The following NPAS2 variants were observed in gnomAD, a reference collection of about 807,000 sequenced individuals.
NPAS2 encodes neuronal PAS domain-containing protein 2.
A neutral mutation model predicts 107.5 loss-of-function variants in NPAS2; 23 were observed. The ratio of observed to expected loss-of-function variants is 0.21; its 90% CI spans 0.15 to 0.30. The LOEUF (loss-of-function observed/expected upper bound fraction) is 0.30, where lower values mean the gene tolerates loss of function less well. Among genes scored for constraint, NPAS2 ranks in the 10% least tolerant of loss-of-function variants. The probability of loss-of-function intolerance (pLI) is 1.00; values close to 1 mark genes in which losing one functional copy is unlikely to be tolerated. For synonymous variants in NPAS2, 403 were observed against 417.5 expected, an observed-to-expected ratio of 0.97 and a Z score of 0.42; for missense variants, 756 against 1,043.3, an observed-to-expected ratio of 0.72 and a Z score of 3.79.
In NPAS2 at chr2:100,995,589, G is replaced by A. The variant is rs2305158; in HGVS notation, c.*7G>A. 340,750 of 1,600,126 alleles carry A rather than the reference G, an allele frequency of 0.21. 36,983 individuals are homozygous for A. Among genetic ancestry groups the A allele is most frequent in the Middle Eastern group, 0.23 (1,392 of 5,970 alleles). Reference sequence around the variant, plus strand: ...CCAGCAGCCGCCCCGATAATGCCCCGGCACTGAAGTCGGGACACAATCAGC... The same window carrying A: ...CCAGCAGCCGCCCCGATAATGCCCCAGCACTGAAGTCGGGACACAATCAGC... On this transcript the variant is annotated 3_prime_UTR_variant, in exon 21 of 21. Transcript: ENST00000335681.
chr2:100,927,623 T>C (rs1263079168), intron 3 of NPAS2, among the ~76,000 whole-genome samples: 1 of 152,234 alleles, frequency 6.6e-6, no homozygotes, highest in Non-Finnish European at 1.5e-5. Flanking sequence ...ATTATACACA[T>C]GATGTTTATG....
intron 2 of NPAS2, among the ~76,000 whole-genome samples, chr2:100,924,722 G>A (rs1412731918): frequency 6.8e-6 from 1 of 147,892 alleles, no homozygotes; most frequent in Admixed American, 6.7e-5. Flanking sequence ...CGGGATACCT[G>A]GCCACCCCGT....
rs1676023221 is a variant in NPAS2, at chr2:100,820,729, G to T, written c.-23+315G>T. Among the ~76,000 whole-genome samples, 1 of 152,308 alleles carries T rather than the reference G, an allele frequency of 6.6e-6. No individual in the cohort carries two copies. Among genetic ancestry groups the T allele is most frequent in the African/African-American group, 2.4e-5 (1 of 41,580 alleles). On this transcript the variant is annotated intron_variant, in intron 1 of 20. Coordinates refer to ENST00000335681, the MANE Select transcript of NPAS2 (RefSeq NM_002518.4). The surrounding 1 kb of genome is among the most constrained non-coding windows in gnomAD (Gnocchi z 5.6). ...GCCTCGGAATTTGGGGGTCCTCGGG[G>T]TGTCCGACAGGGTGGAGAAGGATCG... is the stretch of plus-strand genomic sequence containing the variant.
At chr2:100,978,855 G>T (rs565174102) in intron 15 of NPAS2, among the ~76,000 whole-genome samples, 1 of 152,350 alleles carries the variant, frequency 6.6e-6, no homozygotes, top group Admixed American at 6.5e-5. Flanking sequence ...TTGCCAGATG[G>T]TTTGGCAGGG....
chr2:100,975,971 G>A (rs942764859), intron 14 of NPAS2, among the ~76,000 whole-genome samples: 4 of 152,092 alleles, frequency 2.6e-5, no homozygotes, highest in African/African-American at 4.8e-5. Context: ...ATCAGGTAGC[G>A]TCCCCAACAT....
In NPAS2 at chr2:100,967,203, C is replaced by T. The variant is rs542879399; in HGVS notation, c.908-1078C>T. Reference sequence around the variant, plus strand: ...ACCCTCAATCTGCTGGGCTTATCTCCTCTTCAGATAATCACATTCTCCAAG... The same window carrying T: ...ACCCTCAATCTGCTGGGCTTATCTCTTCTTCAGATAATCACATTCTCCAAG... On this transcript the variant is annotated intron_variant, in intron 10 of 20. Coordinates refer to ENST00000335681, the MANE Select transcript of NPAS2 (RefSeq NM_002518.4). Among the ~76,000 whole-genome samples the T allele has an allele frequency of 1.2e-3, 185 of 151,442 alleles. 1 individual carries two copies. The highest frequency in any genetic ancestry group is 3.9e-3 in the African/African-American group (159 of 41,216).
In NPAS2 at chr2:100,970,443, G is replaced by A. The variant is rs186624522; in HGVS notation, c.1056-547G>A. Among the ~76,000 whole-genome samples, 370 of 152,334 alleles carry A rather than the reference G, an allele frequency of 2.4e-3. 2 individuals carry two copies. The highest frequency in any genetic ancestry group is 8.1e-3 in the African/African-American group (336 of 41,584). ...ACACTCGGGGCAGAGGCACTGTAGG[G>A]TCAGCTGGGCGTCCCTGTGTTGAGT... On this transcript the variant is annotated intron_variant, in intron 11 of 20. Coordinates refer to ENST00000335681, the MANE Select transcript of NPAS2 (RefSeq NM_002518.4).
At chr2:100,964,806 A>G in intron 8 of NPAS2, 55 bp from the exon 9 acceptor site, 1 of 1,078,032 alleles carries the variant, frequency 9.3e-7, no homozygotes. Flanking sequence ...GAACAAACCT[A>G]GGGTGAGCAT....
At chr2:100,923,996 G>T (rs530720637) in intron 2 of NPAS2, among the ~76,000 whole-genome samples, 11 of 152,092 alleles carry the variant, frequency 7.2e-5, no homozygotes, top group Non-Finnish European at 1.5e-4. Flanking sequence ...GGGTGGCTTG[G>T]GGGAGGCCCC....
At chr2:100,885,261 T>A (rs575288214) in intron 1 of NPAS2, among the ~76,000 whole-genome samples, 1 of 152,310 alleles carries the variant, frequency 6.6e-6, no homozygotes, top group East Asian at 1.9e-4. Context: ...ATCCTTTGTA[T>A]TCTTAATGAA....
chr2:100,970,379 G>C (rs1015700364), intron 11 of NPAS2, among the ~76,000 whole-genome samples: 2 of 152,234 alleles, frequency 1.3e-5, no homozygotes, highest in African/African-American at 4.8e-5. Flanking sequence ...AGGCCCAGGA[G>C]CCACGTTGCT....
chr2:100,936,297 C>T (rs1484587175), intron 4 of NPAS2, among the ~76,000 whole-genome samples: 1 of 152,236 alleles, frequency 6.6e-6, no homozygotes, highest in Non-Finnish European at 1.5e-5. Flanking sequence ...ATTGTCCACA[C>T]AGATTCTCAG....
chr2:100,829,544 G>A (rs1676598789), intron 1 of NPAS2, among the ~76,000 whole-genome samples: 1 of 152,142 alleles, frequency 6.6e-6, no homozygotes, highest in African/African-American at 2.4e-5. Flanking sequence ...GTCAGTTCTA[G>A]GGGCCTTTTG....
chr2:100,982,731 T>G, intron 16 of NPAS2: 1 of 227,636 alleles, frequency 4.4e-6, no homozygotes, highest in Non-Finnish European at 8.6e-6. Flanking sequence ...TAACTTTGCT[T>G]TCCTAGCTCC....
At chr2:100,831,580 A>G (rs1676739144) in intron 1 of NPAS2, among the ~76,000 whole-genome samples, 1 of 152,094 alleles carries the variant, frequency 6.6e-6, no homozygotes, top group South Asian at 2.1e-4. Flanking sequence ...AGCAGATGGA[A>G]GTTTTTGTGT....
intron 5 of NPAS2, among the ~76,000 whole-genome samples, chr2:100,947,431 G>A (rs1674966888): frequency 1.3e-5 from 2 of 151,860 alleles, no homozygotes; most frequent in Non-Finnish European, 2.9e-5. Flanking sequence ...AACACCTGTA[G>A]TTTCAGCTAC....
intron 1 of NPAS2, among the ~76,000 whole-genome samples, chr2:100,859,133 A>G (rs1474418710): frequency 6.6e-6 from 1 of 152,186 alleles, no homozygotes; most frequent in Non-Finnish European, 1.5e-5. Flanking sequence ...GCATGGTAAC[A>G]TGCGCCTGTG....
chr2:100,883,072 C>A (rs1680472620), intron 1 of NPAS2, among the ~76,000 whole-genome samples: 1 of 152,214 alleles, frequency 6.6e-6, no homozygotes, highest in African/African-American at 2.4e-5. Flanking sequence ...AGCTCCACAG[C>A]AGTGTCTATG....
Position 100,988,290 on chromosome 2 carries a change from T to C in NPAS2, c.1827+14T>C. 6.2e-7 allele frequency: 1 copy of C among 1,609,412 alleles called. No homozygotes were observed. Among genetic ancestry groups the C allele is most frequent in the Non-Finnish European group, 8.5e-7 (1 of 1,176,606 alleles). On this transcript the variant is annotated intron_variant, in intron 17 of 20. Transcript: ENST00000335681. ...ATATCAACCCAGGTAAATGTGCTCC[T>C]TGCCAGCTTCACTCCTTGCCTCTAG... is the stretch of plus-strand genomic sequence containing the variant.
Sources: allele counts gnomAD v4.1 joint callset (sites outside exome capture counted in the v4.1 genomes callset), GRCh38; gene constraint gnomAD v4.1.1; non-coding constraint Gnocchi (gnomAD v3.1); transcripts MANE v1.5; gene names NCBI Gene and HGNC (gene_info 2026-07-23, HGNC 2026-07-21).